STAT5B: variants seen among roughly 807,000 people sequenced by gnomAD.
STAT5B encodes the protein transcription factor STAT5B.
In STAT5B, 21 loss-of-function variants were observed where a neutral mutation model predicts 107.8. That is an observed-to-expected ratio of 0.19 (90% confidence interval 0.14 to 0.28). The LOEUF (loss-of-function observed/expected upper bound fraction) is 0.28. STAT5B is among the 10% of genes least tolerant of loss of function. STAT5B has a pLI of 1.00. For missense variants in STAT5B, 565 were observed against 1,008.2 expected, an observed-to-expected ratio of 0.56 and a Z score of 5.95; for synonymous variants, 325 against 401.7, an observed-to-expected ratio of 0.81 and a Z score of 2.28.
chr17:42,223,628 A>C, intron 4 of STAT5B, 72 bp from the exon 5 acceptor site: 1 of 1,579,404 alleles, frequency 6.3e-7, no homozygotes, highest in South Asian at 1.1e-5. Context: ...CCCCAGGAAA[A>C]GCCAGCTCCT....
At chr17:42,239,379 T>C (rs2080383944) in intron 1 of STAT5B, among the ~76,000 whole-genome samples, 1 of 152,138 alleles carries the variant, frequency 6.6e-6, no homozygotes, top group Non-Finnish European at 1.5e-5. Flanking sequence ...ATCTGACTTT[T>C]AATAATTAAA....
chr17:42,201,924 G>A lies in STAT5B; in HGVS notation c.2238-60C>T. On this transcript the variant is annotated intron_variant, in intron 18 of 18. Transcript: ENST00000293328. ...GAAAGCCTGCCAGAGACCACCCCAA[G>A]CCCCACAGGCCACCAGGGGAGCAGT... The A allele has an allele frequency of 1.9e-6, 3 of 1,544,712 alleles. No individual in the cohort carries two copies. In the African/African-American group the frequency reaches 4.1e-5, roughly 21 times the overall value.
the STAT5B span, among the ~76,000 whole-genome samples, chr17:42,283,097 C>T: frequency 6.6e-6 from 1 of 152,222 alleles, no homozygotes; most frequent in African/African-American, 2.4e-5. Context: ...TGCTCAGCCC[C>T]CTCGCACACA....
At chr17:42,212,259 G>T (rs2080135841) in intron 12 of STAT5B, 69 bp from the exon 13 acceptor site, 1 of 1,611,426 alleles carries the variant, frequency 6.2e-7, no homozygotes, top group African/African-American at 1.3e-5. Context: ...AGCCACAAAA[G>T]AAAAACGCTG....
intron 3 of STAT5B, 151 bp downstream of exon 3, chr17:42,227,378 T>TAA (rs75771968): frequency 3.5e-4 from 294 of 850,208 alleles, no homozygotes; most frequent in Non-Finnish European, 4.0e-4. Context: ...AAATAAAAAG[T>TAA]AAAAAAAAAA....
chr17:42,280,583 T>C (rs879634587), upstream of STAT5B, among the ~76,000 whole-genome samples: 2 of 152,154 alleles, frequency 1.3e-5, no homozygotes, highest in Admixed American at 1.3e-4. Flanking sequence ...TGTGGGAATG[T>C]CCCTTTTTCC....
intron 5 of STAT5B, among the ~76,000 whole-genome samples, chr17:42,222,140 GTGTGTGTGCTGTGTGTGTGA>G (rs1446329222): frequency 6.8e-6 from 1 of 146,848 alleles, no homozygotes; most frequent in African/African-American, 2.5e-5. Context: ...TGTGCTGTGT[GTGTGTGTGCTGTGTGTGTGA>G]TGTGTGTGGT....
chr17:42,253,663 T>C (rs1264104871), intron 1 of STAT5B, among the ~76,000 whole-genome samples: 3 of 152,006 alleles, frequency 2.0e-5, no homozygotes, highest in African/African-American at 7.3e-5. Flanking sequence ...TAGGAGCCAG[T>C]CTTGGTTTTG....
the STAT5B span, among the ~76,000 whole-genome samples, chr17:42,286,819 T>C: frequency 1.3e-5 from 2 of 152,218 alleles, no homozygotes; most frequent in Admixed American, 1.3e-4. Flanking sequence ...TGGGTTTGTA[T>C]CCAGCCACCG....
intron 1 of STAT5B, among the ~76,000 whole-genome samples, chr17:42,259,962 T>C (rs187227755): frequency 6.6e-6 from 1 of 152,222 alleles, no homozygotes; most frequent in Admixed American, 6.5e-5. Flanking sequence ...AGCGACCCTA[T>C]TTGTATTTGT....
At chr17:42,240,938 G>A (rs1381665499) in intron 1 of STAT5B, among the ~76,000 whole-genome samples, 6 of 152,198 alleles carry the variant, frequency 3.9e-5, no homozygotes, top group Admixed American at 1.3e-4. Flanking sequence ...AAGAGATGAC[G>A]TTTAAACATT....
intron 5 of STAT5B, among the ~76,000 whole-genome samples, chr17:42,220,061 C>A (rs1160607301): frequency 6.6e-6 from 1 of 152,190 alleles, no homozygotes; most frequent in Non-Finnish European, 1.5e-5. Context: ...TGAGCCGTCC[C>A]CTCTGGGGGC....
Position 42,210,173 on chromosome 17 carries a change from G to A in STAT5B, c.1904C>T (p.Ser635Phe). 1 of 1,614,172 alleles carries A rather than the reference G, an allele frequency of 6.2e-7. No homozygotes were observed. Among genetic ancestry groups the A allele is most frequent in the Non-Finnish European group, 8.5e-7 (1 of 1,180,036 alleles). Reference sequence around the variant, plus strand: ...CATAAGAAGGGAGGGGCACTCACGAGAATCAAACTTCCAAGCAATGGTGAT... The same window carrying A: ...CATAAGAAGGGAGGGGCACTCACGAAAATCAAACTTCCAAGCAATGGTGAT... ...GGITIAWKFDSQERMFWNLMP... is the reference protein window; with the variant it reads ...GGITIAWKFDFQERMFWNLMP... The change falls in exon 15 of 19, where the codon TCT becomes TTT. Residue 635 changes from serine (S) to phenylalanine (F), a missense_variant and splice_region_variant. Coordinates refer to ENST00000293328, the MANE Select transcript of STAT5B (RefSeq NM_012448.4).
chr17:42,249,866 T>A (rs1450665270), intron 1 of STAT5B, among the ~76,000 whole-genome samples: 1 of 152,128 alleles, frequency 6.6e-6, no homozygotes, highest in Non-Finnish European at 1.5e-5. Context: ...TTCATTATGT[T>A]GCCCAGGCTG....
rs1236163404 is a variant in STAT5B at position 42,230,779 on chromosome 17, G to T, written c.128+1221C>A. Among the ~76,000 whole-genome samples the T allele has an allele frequency of 2.6e-5, 4 of 151,818 alleles. No individual in the cohort carries two copies. In the East Asian group the frequency reaches 7.7e-4, roughly 29 times the overall value. On this transcript the variant is annotated intron_variant, in intron 2 of 18. Coordinates refer to ENST00000293328, the MANE Select transcript of STAT5B (RefSeq NM_012448.4). ...GACTTCAAGCGATTCTCATGCTTTAGCCTCCAGAGTAGCTGGGATTACAGG... is the reference window on the plus strand; with the variant it reads ...GACTTCAAGCGATTCTCATGCTTTATCCTCCAGAGTAGCTGGGATTACAGG...
chr17:42,217,661 T>C (rs1247835998), intron 9 of STAT5B, 197 bp from the exon 10 acceptor site: 1 of 628,368 alleles, frequency 1.6e-6, no homozygotes, highest in Non-Finnish European at 2.8e-6. Context: ...GATCAAACTA[T>C]CTTCACAGAA....
chr17:42,209,215 C>CTTAT (rs891224830), intron 15 of STAT5B, among the ~76,000 whole-genome samples: 41 of 151,804 alleles, frequency 2.7e-4, no homozygotes, highest in African/African-American at 4.3e-4. Flanking sequence ...ACCTAATTAA[C>CTTAT]TTATTTATTT....
intron 3 of STAT5B, among the ~76,000 whole-genome samples, chr17:42,225,454 C>T (rs1230805288): frequency 6.6e-6 from 1 of 152,156 alleles, no homozygotes; most frequent in Non-Finnish European, 1.5e-5. Flanking sequence ...AAAACTACTA[C>T]CACCAATGAG....
At chr17:42,267,401 A>G (rs1030536240) in intron 1 of STAT5B, among the ~76,000 whole-genome samples, 1 of 152,206 alleles carries the variant, frequency 6.6e-6, no homozygotes, top group African/African-American at 2.4e-5. Flanking sequence ...TCAGTGGAAC[A>G]AGATGTGGAG....
Sources: allele counts gnomAD v4.1 joint callset (sites outside exome capture counted in the v4.1 genomes callset), GRCh38; gene constraint gnomAD v4.1.1; transcripts MANE v1.5; gene names NCBI Gene and HGNC (gene_info 2026-07-23, HGNC 2026-07-21).